SPECC1: variants seen among roughly 807,000 people sequenced by gnomAD.
SPECC1 encodes cytospin-B.
In SPECC1, 62 loss-of-function variants were observed where a neutral mutation model predicts 104.1. The observed-to-expected ratio is 0.60, with a 90% CI of 0.49 to 0.74. SPECC1 has a LOEUF of 0.74. SPECC1 is among the 30% of genes least tolerant of loss of function. The probability of loss-of-function intolerance (pLI) is 0.00; values close to 1 mark genes in which losing one functional copy is unlikely to be tolerated. For synonymous variants in SPECC1, 513 were observed against 501.6 expected (o/e 1.02, Z -0.30); for missense variants, 1,306 against 1,310.5 (o/e 1.00, Z 0.05).
intron 10 of SPECC1, among the ~76,000 whole-genome samples, chr17:20,254,493 A>G (rs1021155359): frequency 5.9e-5 from 9 of 152,132 alleles, no homozygotes; most frequent in African/African-American, 1.9e-4. Context: ...GGTGTGTGGC[A>G]AGCACTGTGG....
chr17:20,094,742 G>A (rs1329181003), intron 1 of SPECC1, among the ~76,000 whole-genome samples: 1 of 152,030 alleles, frequency 6.6e-6, no homozygotes, highest in Non-Finnish European at 1.5e-5. Context: ...TGGGACTACA[G>A]GTGTGCACCA....
At chr17:20,290,729 C>A (rs184485808) in intron 12 of SPECC1, among the ~76,000 whole-genome samples, 1 of 152,140 alleles carries the variant, frequency 6.6e-6, no homozygotes, top group African/African-American at 2.4e-5. Context: ...GTTGCCCAGG[C>A]TGGTCTCGAA....
chr17:20,067,638 T>C (rs1379092974), intron 1 of SPECC1, among the ~76,000 whole-genome samples: 1 of 152,080 alleles, frequency 6.6e-6, no homozygotes. Context: ...TTTACATTTA[T>C]ATAAATGTTT....
chr17:20,247,720 T>A lies in SPECC1; in HGVS notation c.2598+401T>A, dbSNP rs140113498. 9.5e-4 allele frequency among the ~76,000 whole-genome samples: 144 copies of A among 152,320 alleles called. 1 individual carries two copies. The highest frequency in any genetic ancestry group is 3.1e-3 in the African/African-American group (129 of 41,582). ...CACTGTTCTACTGATAGAAGTTAGG[T>A]TTTTTTGGATTTAACTTATTACAAA... On this transcript the variant is annotated intron_variant, in intron 9 of 14. Coordinates refer to ENST00000395527, the MANE Select transcript of SPECC1 (RefSeq NM_001243439.2).
intron 4 of SPECC1, among the ~76,000 whole-genome samples, chr17:20,215,271 C>T (rs1261378698): frequency 1.3e-5 from 2 of 152,226 alleles, no homozygotes; most frequent in African/African-American, 4.8e-5. Context: ...GAGGTTGCGA[C>T]TCTGAAGATG....
chr17:20,276,014 A>T (rs541397461), intron 12 of SPECC1, among the ~76,000 whole-genome samples: 1 of 151,118 alleles, frequency 6.6e-6, no homozygotes, highest in Admixed American at 6.6e-5. Context: ...AGAAGCTTAC[A>T]TTTTATATAC....
At chr17:20,036,329 T>C (rs1169065756) in intron 1 of SPECC1, among the ~76,000 whole-genome samples, 1 of 151,912 alleles carries the variant, frequency 6.6e-6, no homozygotes, top group Admixed American at 6.6e-5. Flanking sequence ...GGGATTTCAC[T>C]ATGTTGACCA....
At chr17:20,018,298 A>C (rs898390858) in intron 1 of SPECC1, among the ~76,000 whole-genome samples, 13 of 152,048 alleles carry the variant, frequency 8.5e-5, no homozygotes, top group African/African-American at 1.2e-4. Context: ...GGCCATCGGC[A>C]CTCTTGTTTT....
chr17:20,106,221 G>A (rs1176932768), intron 2 of SPECC1, among the ~76,000 whole-genome samples: 1 of 152,204 alleles, frequency 6.6e-6, no homozygotes, highest in Non-Finnish European at 1.5e-5. Context: ...GGAGGCACCT[G>A]AGTGTGCTTC....
chr17:20,131,087 T>G (rs115307049), intron 3 of SPECC1, among the ~76,000 whole-genome samples: 6 of 152,230 alleles, frequency 3.9e-5, no homozygotes, highest in Non-Finnish European at 7.3e-5. Flanking sequence ...CTTGCAACTT[T>G]GCTAAAGTCG....
intron 2 of SPECC1, among the ~76,000 whole-genome samples, chr17:20,101,054 C>T (rs1429589931): frequency 6.6e-6 from 1 of 152,162 alleles, no homozygotes; most frequent in African/African-American, 2.4e-5. Context: ...TTTTCTTTAT[C>T]CAGTCTATCA....
intron 1 of SPECC1, among the ~76,000 whole-genome samples, chr17:20,049,489 C>T (rs1203229529): frequency 1.3e-5 from 2 of 152,122 alleles, no homozygotes; most frequent in African/African-American, 4.8e-5. Context: ...TGTGAACTAC[C>T]TGTTCATTAC....
chr17:20,101,726 G>C (rs1240146012), intron 2 of SPECC1, among the ~76,000 whole-genome samples: 1 of 152,216 alleles, frequency 6.6e-6, no homozygotes, highest in Non-Finnish European at 1.5e-5. Flanking sequence ...GAAAAGGAAT[G>C]TACTGAGCAG....
At chr17:20,230,691 T>C (rs2151473943) in intron 5 of SPECC1, among the ~76,000 whole-genome samples, 1 of 152,304 alleles carries the variant, frequency 6.6e-6, no homozygotes, top group East Asian at 1.9e-4. Flanking sequence ...ATGCAAGCCA[T>C]CTTTTGAAAA....
At chr17:20,039,531 ACATATGTTGGTATAT>A (rs1326113404) in intron 1 of SPECC1, among the ~76,000 whole-genome samples, 1 of 152,106 alleles carries the variant, frequency 6.6e-6, no homozygotes, top group African/African-American at 2.4e-5. Flanking sequence ...ATTTCAACCA[ACATATGTTGGTATAT>A]TTAAAGCAGG....
At chr17:20,178,291 A>G (rs945185651) in intron 3 of SPECC1, among the ~76,000 whole-genome samples, 1 of 152,116 alleles carries the variant, frequency 6.6e-6, no homozygotes, top group African/African-American at 2.4e-5. Context: ...GAGACGTGAG[A>G]TCAGGTAGAA....
rs567628720 is a variant in SPECC1 at position 20,014,630 on chromosome 17, C to A, written c.-22+5206C>A. On this transcript the variant is annotated intron_variant, in intron 1 of 14. Transcript: ENST00000395527. ...AATTTTGGAGATATTGCTTTATCTG[C>A]TGGTATCTAGGAAGAAGTGCACGCG... 7.2e-5 allele frequency among the ~76,000 whole-genome samples: 11 copies of A among 152,286 alleles called. No homozygotes were observed. In the South Asian group the frequency reaches 2.3e-3, roughly 32 times the overall value.
chr17:20,307,330 T>TCCTCTCCATTCTCA (rs1341533083), intron 14 of SPECC1, among the ~76,000 whole-genome samples: 1 of 152,222 alleles, frequency 6.6e-6, no homozygotes, highest in Admixed American at 6.5e-5. Context: ...CCAGAGTGTC[T>TCCTCTCCATTCTCA]CCTCTCCATT....
chr17:20,131,634 T>G (rs540240957), intron 3 of SPECC1, among the ~76,000 whole-genome samples: 177 of 150,948 alleles, frequency 1.2e-3, no homozygotes, highest in African/African-American at 3.9e-3. Context: ...GCATTCAGTC[T>G]TCTTCTTTTT....
Sources: allele counts gnomAD v4.1 joint callset (sites outside exome capture counted in the v4.1 genomes callset), GRCh38; gene constraint gnomAD v4.1.1; transcripts MANE v1.5; gene names NCBI Gene and HGNC (gene_info 2026-07-23, HGNC 2026-07-21).